The following PRKG1 variants were observed in gnomAD, a reference collection of about 807,000 sequenced individuals.
PRKG1 encodes protein kinase cGMP-dependent 1, also known as cGMP-dependent protein kinase 1.
PRKG1 carries 35 observed loss-of-function variants against 88.1 expected under a neutral mutation model. That is an observed-to-expected ratio of 0.40 (90% CI 0.30 to 0.53). The LOEUF is 0.53. PRKG1 is among the 20% of genes least tolerant of loss of function. The probability of loss-of-function intolerance (pLI) is 0.59; values close to 1 mark genes in which losing one functional copy is unlikely to be tolerated. For missense variants in PRKG1, 540 were observed against 839.8 expected, an observed-to-expected ratio of 0.64 and a Z score of 4.41; for synonymous variants, 303 against 292.5, an observed-to-expected ratio of 1.04 and a Z score of -0.37.
rs190292389 is a variant in PRKG1 at position 51,453,373 on chromosome 10, T to A, written c.479-14350T>A. 2.2e-4 allele frequency among the ~76,000 whole-genome samples: 34 copies of A among 152,210 alleles called. 1 individual carries two copies. The East Asian group carries it at 2.7e-3, about 12-fold the overall frequency. ...GCTGGATTTGGGTTTGGTTTGTTCC[T>A]GTTTCTCTAGTTCCTTGAGGTGTGA... On this transcript the variant is annotated intron_variant, in intron 2 of 17. Coordinates refer to ENST00000373980, the MANE Select transcript of PRKG1 (RefSeq NM_006258.4).
chr10:51,834,167 A>G (rs1333621718), intron 4 of PRKG1, among the ~76,000 whole-genome samples: 1 of 152,140 alleles, frequency 6.6e-6, no homozygotes, highest in Non-Finnish European at 1.5e-5. Flanking sequence ...GCTTCCCCAA[A>G]TGTGTTTCAA....
At chr10:52,230,554 A>C (rs1448670345) in intron 9 of PRKG1, among the ~76,000 whole-genome samples, 1 of 152,102 alleles carries the variant, frequency 6.6e-6, no homozygotes, top group Non-Finnish European at 1.5e-5. Context: ...TGAGTAATGG[A>C]ATTGGGATTT....
chr10:51,281,482 G>C (rs1430564801), intron 2 of PRKG1, among the ~76,000 whole-genome samples: 1 of 152,192 alleles, frequency 6.6e-6, no homozygotes, highest in East Asian at 1.9e-4. Flanking sequence ...ACAGCAGTCT[G>C]AGATGGAACT....
intron 2 of PRKG1, among the ~76,000 whole-genome samples, chr10:51,242,029 T>C (rs535610805): frequency 6.7e-6 from 1 of 149,990 alleles, no homozygotes; most frequent in African/African-American, 2.4e-5. Flanking sequence ...AACAAAAAGA[T>C]TGCTGAATAA....
At chr10:51,014,454 T>C (rs1048949190) in intron 1 of PRKG1, among the ~76,000 whole-genome samples, 2 of 152,204 alleles carry the variant, frequency 1.3e-5, no homozygotes, top group Non-Finnish European at 2.9e-5. Context: ...CAATTGTTCC[T>C]TAAAACACTA....
chr10:51,006,711 C>T (rs1221751659), intron 1 of PRKG1, among the ~76,000 whole-genome samples: 2 of 151,956 alleles, frequency 1.3e-5, no homozygotes, highest in Non-Finnish European at 2.9e-5. Flanking sequence ...CATTTCACGC[C>T]CCCTCCCCAC....
chr10:52,056,640 C>A (rs1316944814), intron 6 of PRKG1, among the ~76,000 whole-genome samples: 1 of 152,142 alleles, frequency 6.6e-6, no homozygotes, highest in East Asian at 1.9e-4. Flanking sequence ...ACTCTCTTGA[C>A]ACATTCAAGA....
chr10:51,507,770 A>G (rs543273819), intron 3 of PRKG1, among the ~76,000 whole-genome samples: 37 of 152,240 alleles, frequency 2.4e-4, no homozygotes, highest in African/African-American at 8.4e-4. Context: ...AGCACTTTGG[A>G]AAAGGAAGGC....
At chr10:51,541,232 A>G (rs1297498222) in intron 3 of PRKG1, among the ~76,000 whole-genome samples, 1 of 152,142 alleles carries the variant, frequency 6.6e-6, no homozygotes, top group Non-Finnish European at 1.5e-5. Flanking sequence ...CACAGTTCAC[A>G]ACAGGGTTCG....
chr10:51,662,800 G>A (rs1182429646), intron 3 of PRKG1, among the ~76,000 whole-genome samples: 1 of 152,078 alleles, frequency 6.6e-6, no homozygotes, highest in African/African-American at 2.4e-5. Context: ...ACTGAAAATG[G>A]GGAAAGAGAA....
At chr10:52,007,197 T>C (rs986786273) in intron 5 of PRKG1, among the ~76,000 whole-genome samples, 3 of 152,118 alleles carry the variant, frequency 2.0e-5, no homozygotes, top group Non-Finnish European at 4.4e-5. Flanking sequence ...AAGTAAACTA[T>C]AAAGCAACCA....
intron 3 of PRKG1, among the ~76,000 whole-genome samples, chr10:51,522,705 A>G (rs936490034): frequency 6.6e-5 from 10 of 152,182 alleles, no homozygotes; most frequent in African/African-American, 2.2e-4. Flanking sequence ...GATTGAAATC[A>G]TTTCCTTTAG....
intron 9 of PRKG1, among the ~76,000 whole-genome samples, chr10:52,249,438 C>T (rs1841116105): frequency 6.6e-6 from 1 of 151,938 alleles, no homozygotes; most frequent in Non-Finnish European, 1.5e-5. Flanking sequence ...AGAAATTTCT[C>T]ATTCACTTGG....
In PRKG1 at chr10:50,991,228, T is replaced by G; in HGVS notation, c.-151T>G. The G allele has an allele frequency of 3.5e-6, 4 of 1,147,072 alleles. No homozygotes were observed. The highest frequency in any genetic ancestry group is 4.7e-6 in the Non-Finnish European group (4 of 844,226). The allele number at this position is 1,147,072 out of a possible 1,614,324, so 71.1% of individuals were successfully genotyped here. A position where few individuals can be genotyped will look rare whatever the true frequency, so the allele number is the denominator to read the frequency against. ...GAAGCAGGAGGCTCCCCGCGCCGCA[T>G]TAGGGGCGCACTCCGCCGCGCTCGA... is the stretch of plus-strand genomic sequence containing the variant. On this transcript the variant is annotated 5_prime_UTR_variant, in exon 1 of 18. Coordinates refer to the PRKG1 transcript ENST00000401604. The surrounding 1 kb of genome is among the most constrained non-coding windows in gnomAD (Gnocchi z 4.5).
intron 2 of PRKG1, among the ~76,000 whole-genome samples, chr10:51,452,266 G>A (rs983106681): frequency 1.3e-5 from 2 of 151,956 alleles, no homozygotes; most frequent in South Asian, 2.1e-4. Flanking sequence ...TGCAGATTTA[G>A]CTAGTCTAGA....
chr10:51,153,412 C>A, intron 2 of PRKG1, 82 bp downstream of exon 2: 1 of 1,290,430 alleles, frequency 7.7e-7, no homozygotes, highest in Non-Finnish European at 1.0e-6. Context: ...CAATGCATTA[C>A]ATGGAAAATT....
intron 7 of PRKG1, among the ~76,000 whole-genome samples, chr10:52,124,230 G>C (rs1467930603): frequency 6.6e-6 from 1 of 152,108 alleles, no homozygotes; most frequent in African/African-American, 2.4e-5. Flanking sequence ...TCTTTAGGCA[G>C]TTTCATTATG....
chr10:51,264,470 G>A (rs1048361688), intron 2 of PRKG1, among the ~76,000 whole-genome samples: 2 of 152,210 alleles, frequency 1.3e-5, no homozygotes, highest in African/African-American at 4.8e-5. Context: ...ATATGTGTAT[G>A]TATGGAAGTA....
intron 3 of PRKG1, among the ~76,000 whole-genome samples, chr10:51,785,999 T>C (rs1469939389): frequency 6.6e-6 from 1 of 152,184 alleles, no homozygotes; most frequent in East Asian, 1.9e-4. Context: ...CAGAGTTTGC[T>C]GCATCTTTGA....
Sources: gnomAD v4.1 joint callset for allele counts (sites outside exome capture counted in the v4.1 genomes callset) on GRCh38, gnomAD v4.1.1 for gene constraint, Gnocchi (gnomAD v3.1) non-coding constraint, MANE v1.5 for transcripts, NCBI Gene and HGNC (gene_info 2026-07-23, HGNC 2026-07-21) for gene names.